Variants in SAMSN1 observed in about 807,000 individuals in gnomAD.
SAMSN1 encodes the protein SAM domain, SH3 domain and nuclear localization signals 1.
In SAMSN1, 31 loss-of-function variants were observed where a neutral mutation model predicts 42.0. The ratio of observed to expected loss-of-function variants is 0.74; its 90% confidence interval spans 0.55 to 1.00. The LOEUF (loss-of-function observed/expected upper bound fraction) is 1.00, where lower values mean the gene tolerates loss of function less well. Among genes scored for constraint, SAMSN1 ranks in the 50% least tolerant of loss-of-function variants. SAMSN1 has a pLI of 0.00. For synonymous variants in SAMSN1, 178 were observed against 151.9 expected (o/e 1.17, Z -1.26); for missense variants, 464 against 439.4 (o/e 1.06, Z -0.50).
chr21:14,555,124 C>A (rs990169643), intron 2 of SAMSN1, among the ~76,000 whole-genome samples: 5 of 152,182 alleles, frequency 3.3e-5, no homozygotes, highest in Non-Finnish European at 5.9e-5. Context: ...AAAGTAGTTT[C>A]CTTGCTGCCT....
chr21:14,547,012 AGTTAGAAGATAAAATAAATAAACAAT>A (rs1403487984), upstream of SAMSN1, among the ~76,000 whole-genome samples: 3 of 152,226 alleles, frequency 2.0e-5, no homozygotes, highest in Non-Finnish European at 4.4e-5. Context: ...AAATAAACAC[AGTTAGAAGATAAAATAAATAAACAAT>A]GTTAGAAGAT....
intron 1 of SAMSN1, among the ~76,000 whole-genome samples, chr21:14,530,335 A>AAT (rs1484186314): frequency 2.2e-5 from 2 of 89,682 alleles, no homozygotes; most frequent in African/African-American, 5.7e-5. Context: ...AAAAAAAAAA[A>AAT]AGAAAGAAAT....
chr21:14,648,827 G>A (rs886152240), intron 1 of SAMSN1, among the ~76,000 whole-genome samples: 42 of 152,204 alleles, frequency 2.8e-4, no homozygotes, highest in African/African-American at 1.0e-3. Flanking sequence ...GGGTGGGACT[G>A]TAAACTAGTT....
intron 1 of SAMSN1, among the ~76,000 whole-genome samples, chr21:14,648,310 A>G (rs948706269): frequency 1.3e-5 from 2 of 152,204 alleles, no homozygotes; most frequent in Non-Finnish European, 2.9e-5. Context: ...TAAAACCATA[A>G]AAACCCTAGA....
intron 1 of SAMSN1, among the ~76,000 whole-genome samples, chr21:14,650,149 A>G (rs1016074167): frequency 3.9e-5 from 6 of 152,180 alleles, no homozygotes; most frequent in Non-Finnish European, 8.8e-5. Context: ...CAGAAAATCA[A>G]CAAAGAAACA....
At chr21:14,514,077 G>T (rs1294309601) in intron 3 of SAMSN1, among the ~76,000 whole-genome samples, 1 of 152,028 alleles carries the variant, frequency 6.6e-6, no homozygotes, top group African/African-American at 2.4e-5. Flanking sequence ...AAAAAATAGG[G>T]GTATTGTTTG....
chr21:14,580,521 G>A (rs548048265), intron 2 of SAMSN1, among the ~76,000 whole-genome samples: 2 of 152,274 alleles, frequency 1.3e-5, no homozygotes, highest in Admixed American at 1.3e-4. Context: ...TCTCCAAGAA[G>A]CTACTCTAAG....
At chr21:14,602,230 T>G (rs1982455852) in intron 5 of SAMSN1, 1 of 344,404 alleles carries the variant, frequency 2.9e-6, no homozygotes, top group Non-Finnish European at 5.3e-6. Flanking sequence ...AAAATATTTT[T>G]TTTTGTTAAA....
chr21:14,591,101 A>G (rs1982070204), intron 7 of SAMSN1, among the ~76,000 whole-genome samples: 1 of 152,202 alleles, frequency 6.6e-6, no homozygotes, highest in South Asian at 2.1e-4. Context: ...AGTTGGTGGG[A>G]AAATTGCCAT....
intron 2 of SAMSN1, among the ~76,000 whole-genome samples, chr21:14,571,973 C>A (rs1449588010): frequency 1.3e-5 from 2 of 151,634 alleles, no homozygotes; most frequent in Non-Finnish European, 2.9e-5. Flanking sequence ...CTACTGGAAA[C>A]CAGTAATGTA....
At chr21:14,630,529 A>ATTC (rs1983302277) in intron 2 of SAMSN1, among the ~76,000 whole-genome samples, 9 of 152,294 alleles carry the variant, frequency 5.9e-5, no homozygotes, top group Middle Eastern at 3.4e-3. Flanking sequence ...TTTTAACATA[A>ATTC]GTCTCTATTT....
intron 2 of SAMSN1, among the ~76,000 whole-genome samples, chr21:14,566,139 G>T (rs1981108820): frequency 6.6e-6 from 1 of 152,142 alleles, no homozygotes; most frequent in Non-Finnish European, 1.5e-5. Flanking sequence ...CACATTTAAA[G>T]TCAGTTGTGT....
At chr21:14,653,542 G>T (rs1983867587) in intron 1 of SAMSN1, among the ~76,000 whole-genome samples, 1 of 151,928 alleles carries the variant, frequency 6.6e-6, no homozygotes, top group African/African-American at 2.4e-5. Context: ...ATGGTTAATG[G>T]GTACAAAGCA....
Position 14,498,538 on chromosome 21 carries a change from C to CT in SAMSN1, c.822dup (p.Asp275ArgfsTer9). 6.2e-7 allele frequency: 1 copy of CT among 1,610,494 alleles called. No homozygotes were observed. The highest frequency in any genetic ancestry group is 8.5e-7 in the Non-Finnish European group (1 of 1,178,320). ...TCAATGAGGTGACTCTCTTTTATAT[C>CT]TTTTAAATCTTCTAGAGTCTCATAA... On this transcript the variant is annotated frameshift_variant, in exon 7 of 8. Transcript: ENST00000400566. LOFTEE classifies it high-confidence loss of function.
At chr21:14,576,634 C>T (rs1270905517) in intron 2 of SAMSN1, among the ~76,000 whole-genome samples, 1 of 148,346 alleles carries the variant, frequency 6.7e-6, no homozygotes, top group Non-Finnish European at 1.5e-5. Flanking sequence ...CCAACTGAAA[C>T]AGTTGCGTAA....
chr21:14,632,247 G>A (rs1031840388), intron 2 of SAMSN1, among the ~76,000 whole-genome samples: 5 of 151,894 alleles, frequency 3.3e-5, no homozygotes, highest in South Asian at 4.2e-4. Context: ...GTGCCTTCTC[G>A]GTGTAATCCC....
intron 2 of SAMSN1, among the ~76,000 whole-genome samples, chr21:14,565,228 G>A (rs181737623): frequency 3.6e-4 from 54 of 151,134 alleles, no homozygotes; most frequent in Admixed American, 1.2e-3. Context: ...CCTGGGAGGC[G>A]GAGGTTGCAG....
chr21:14,558,909 T>C (rs1980850262), intron 2 of SAMSN1, among the ~76,000 whole-genome samples: 1 of 152,208 alleles, frequency 6.6e-6, no homozygotes, highest in Admixed American at 6.5e-5. Context: ...GAAAAACTAT[T>C]TGAATTTCCT....
At chr21:14,520,507 GT>G (rs1978387702) in intron 2 of SAMSN1, among the ~76,000 whole-genome samples, 1 of 152,154 alleles carries the variant, frequency 6.6e-6, no homozygotes, top group African/African-American at 2.4e-5. Context: ...TCGGGTTCAT[GT>G]TTTGCTTTCC....
Sources: gnomAD v4.1 joint callset for allele counts (sites outside exome capture counted in the v4.1 genomes callset) on GRCh38, gnomAD v4.1.1 for gene constraint, MANE v1.5 for transcripts, NCBI Gene and HGNC (gene_info 2026-07-23, HGNC 2026-07-21) for gene names.